ABCA12: variants seen among roughly 807,000 people sequenced by gnomAD.
The protein encoded by ABCA12 is glucosylceramide transporter ABCA12.
In ABCA12, 156 loss-of-function variants were observed where a neutral mutation model predicts 293.5. The observed-to-expected ratio is 0.53, with a 90% CI of 0.47 to 0.61. The LOEUF is 0.61. ABCA12 is among the 20% of genes least tolerant of loss of function. The pLI is 0.00. For missense variants in ABCA12, 2,797 were observed against 3,090.2 expected, an observed-to-expected ratio of 0.91 and a Z score of 2.25; for synonymous variants, 1,063 against 1,108.0, an observed-to-expected ratio of 0.96 and a Z score of 0.81.
intron 17 of ABCA12, among the ~76,000 whole-genome samples, chr2:215,010,742 G>A (rs1250570314): frequency 1.3e-5 from 2 of 151,992 alleles, no homozygotes; most frequent in Admixed American, 1.3e-4. Flanking sequence ...CCACATTTCA[G>A]AATGGCTAAC....
intron 2 of ABCA12, among the ~76,000 whole-genome samples, chr2:215,091,512 G>T (rs1329286730): frequency 6.6e-6 from 1 of 152,082 alleles, no homozygotes; most frequent in East Asian, 1.9e-4. Flanking sequence ...CCAGTTCATG[G>T]CTCATTTGGC....
At chr2:214,989,187 C>CATACATATATATTTATATATATAT (rs1553526740) in intron 26 of ABCA12, 142 bp downstream of exon 26, 1 of 28,016 alleles carries the variant, frequency 3.6e-5, no homozygotes, top group Non-Finnish European at 1.2e-4. Flanking sequence ...TCAATACATA[C>CATACATATATATTTATATATATAT]ATATATATAT....
At chr2:215,044,163 T>G (rs1419319417) in intron 7 of ABCA12, among the ~76,000 whole-genome samples, 4 of 152,138 alleles carry the variant, frequency 2.6e-5, no homozygotes, top group Admixed American at 1.3e-4. Flanking sequence ...TTTCATTTTC[T>G]TGGATAAATA....
At chr2:214,999,209 G>A (rs1700094035) in intron 22 of ABCA12, among the ~76,000 whole-genome samples, 4 of 152,130 alleles carry the variant, frequency 2.6e-5, no homozygotes, top group Admixed American at 2.6e-4. Context: ...TTCAGGTACA[G>A]CCTTGAAGTG....
chr2:214,966,754 C>A, intron 39 of ABCA12, 94 bp downstream of exon 39: 4 of 1,140,974 alleles, frequency 3.5e-6, no homozygotes, highest in Non-Finnish European at 4.0e-6. Context: ...CATAAAATAC[C>A]TGCCACCTGT....
At chr2:214,980,680 G>C in intron 30 of ABCA12, 37 bp from the exon 31 acceptor site, 1 of 1,612,810 alleles carries the variant, frequency 6.2e-7, no homozygotes, top group Non-Finnish European at 8.5e-7. Flanking sequence ...GGAATGAAAC[G>C]TGAAAGTACA....
At chr2:215,098,779 G>A (rs989967015) in intron 2 of ABCA12, among the ~76,000 whole-genome samples, 1 of 152,208 alleles carries the variant, frequency 6.6e-6, no homozygotes, top group African/African-American at 2.4e-5. Flanking sequence ...TAAAATCTTT[G>A]AAAGTAAATG....
At chr2:214,970,237 C>T in intron 37 of ABCA12, 36 bp downstream of exon 37, 1 of 1,579,526 alleles carries the variant, frequency 6.3e-7, no homozygotes, top group Non-Finnish European at 8.6e-7. Context: ...TTAAAATTAG[C>T]AAGCAATTAA....
chr2:214,932,800 G>A (rs1263036864), intron 52 of ABCA12, 59 bp from the exon 53 acceptor site: 13 of 1,188,648 alleles, frequency 1.1e-5, no homozygotes, highest in African/African-American at 1.5e-5. Flanking sequence ...AAAAAATAAA[G>A]TTAATTCATT....
Position 215,052,488 on chromosome 2 carries a change from T to G in ABCA12, c.506A>C (p.Lys169Thr), listed in dbSNP as rs914860648. The change falls in exon 5 of 53, where the codon AAG becomes ACG. Residue 169 changes from lysine (K) to threonine (T), a missense_variant and splice_region_variant. Transcript: ENST00000272895. ...QVLARILGLE[K>T]LLKQNSTSED... The stretch of plus-strand genomic sequence containing the variant: ...CATTACAAAATTGAATCAAGTTACC[T>G]TTTCCAAGCCAAGAATTCGTGCGAG... 33 of 1,611,712 alleles carry G rather than the reference T, an allele frequency of 2.0e-5. No homozygotes were observed. In the East Asian group the frequency reaches 7.1e-4, roughly 35 times the overall value.
chr2:214,975,241 G>A (rs1699487257), intron 34 of ABCA12, among the ~76,000 whole-genome samples: 1 of 152,176 alleles, frequency 6.6e-6, no homozygotes, highest in Non-Finnish European at 1.5e-5. Flanking sequence ...TAGGATTACA[G>A]GCGTGAGCCA....
chr2:215,031,780 A>T lies in ABCA12; in HGVS notation c.1061+41T>A, dbSNP rs755106145. 5 of 1,612,122 alleles carry T rather than the reference A, an allele frequency of 3.1e-6. No individual in the cohort carries two copies. The African/African-American group carries it at 6.7e-5, about 22-fold the overall frequency. ...TAGAAATTGTTTTGATTGTTTATTC[A>T]GCCAAGTTATCTACCTATTTAGAAA... is the stretch of plus-strand genomic sequence containing the variant. On this transcript the variant is annotated intron_variant, in intron 9 of 52. Coordinates refer to ENST00000272895, the MANE Select transcript of ABCA12 (RefSeq NM_173076.3).
At chr2:215,004,514 C>A (rs1470831212) in intron 19 of ABCA12, among the ~76,000 whole-genome samples, 1 of 152,162 alleles carries the variant, frequency 6.6e-6, no homozygotes, top group Non-Finnish European at 1.5e-5. Flanking sequence ...TCTATAGATA[C>A]AAATTGGTCA....
At position 215,134,593 on chromosome 2, in the gene ABCA12, CTCTCTCTATATATATA is replaced by C. The variant is rs1484568251; in HGVS notation, c.69+3531_69+3546del. 7.4e-5 allele frequency among the ~76,000 whole-genome samples: 6 copies of C among 81,502 alleles called. 2 individuals carry two copies. Among genetic ancestry groups the C allele is most frequent in the African/African-American group, 5.7e-4 (6 of 10,586 alleles). 53.5% of individuals were successfully genotyped at this position (81,502 alleles called of 152,430 possible). ...ATATATATAATCTCTCTCTCTCTCT[CTCTCTCTATATATATA>C]TATATATAGAGAGAGAGAGAGAGAG... is the stretch of plus-strand genomic sequence containing the variant. On this transcript the variant is annotated intron_variant, in intron 1 of 52. Transcript: ENST00000272895.
At chr2:214,980,236 G>C (rs1380107845) in intron 31 of ABCA12, among the ~76,000 whole-genome samples, 1 of 152,090 alleles carries the variant, frequency 6.6e-6, no homozygotes, top group Non-Finnish European at 1.5e-5. Flanking sequence ...CTGGGAATTT[G>C]ATAAAAATAT....
intron 28 of ABCA12, among the ~76,000 whole-genome samples, chr2:214,984,544 AT>A (rs1245251875): frequency 3.3e-5 from 5 of 152,122 alleles, no homozygotes; most frequent in Non-Finnish European, 7.4e-5. Context: ...ATTGCTCTAT[AT>A]ATCTATCAGA....
At chr2:215,056,035 A>G (rs1325594470) in intron 3 of ABCA12, among the ~76,000 whole-genome samples, 1 of 152,086 alleles carries the variant, frequency 6.6e-6, no homozygotes, top group African/African-American at 2.4e-5. Context: ...ATATCAACAC[A>G]TTTTGAAGAC....
At chr2:214,951,329 A>T (rs554390651) in intron 44 of ABCA12, among the ~76,000 whole-genome samples, 1 of 152,274 alleles carries the variant, frequency 6.6e-6, no homozygotes, top group South Asian at 2.1e-4. Flanking sequence ...CACTGTTAAG[A>T]TTTATAATTC....
chr2:215,075,741 T>TTA (rs1196196755), intron 2 of ABCA12: 1 of 581,866 alleles, frequency 1.7e-6, no homozygotes, highest in Non-Finnish European at 3.0e-6. Context: ...ATTTTAGTAA[T>TTA]TACCCCAATA....
Sources: allele counts gnomAD v4.1 joint callset (sites outside exome capture counted in the v4.1 genomes callset), GRCh38; gene constraint gnomAD v4.1.1; transcripts MANE v1.5; gene names NCBI Gene and HGNC (gene_info 2026-07-23, HGNC 2026-07-21).